TRPM3: variants seen among roughly 807,000 people sequenced by gnomAD.
TRPM3 encodes the protein long transient receptor potential channel 3.
In TRPM3, 77 loss-of-function variants were observed where a neutral mutation model predicts 181.2. The observed-to-expected ratio is 0.42, with a 90% CI of 0.35 to 0.51. The LOEUF is 0.51. Ranked by LOEUF, TRPM3 falls within the 20% of genes least tolerant of loss-of-function variation. TRPM3 has a pLI of 0.01. For missense variants in TRPM3, 1,759 were observed against 2,196.7 expected (o/e 0.80, Z 3.98); for synonymous variants, 745 against 796.4 (o/e 0.94, Z 1.09).
intron 1 of TRPM3, among the ~76,000 whole-genome samples, chr9:70,873,323 C>T (rs2095820706): frequency 6.6e-6 from 1 of 151,952 alleles, no homozygotes; most frequent in African/African-American, 2.4e-5. Flanking sequence ...AGAACACTGC[C>T]ATCAGTGTGT....
At chr9:70,803,625 T>C (rs2131277674) in intron 6 of TRPM3, among the ~76,000 whole-genome samples, 1 of 152,028 alleles carries the variant, frequency 6.6e-6, no homozygotes, top group East Asian at 2.0e-4. Flanking sequence ...ATTTTTTTTG[T>C]ATTTTTAGCA....
At chr9:71,338,525 G>A (rs2090732674) in intron 1 of TRPM3, among the ~76,000 whole-genome samples, 2 of 152,094 alleles carry the variant, frequency 1.3e-5, no homozygotes, top group African/African-American at 4.8e-5. Context: ...AAACGGAAAA[G>A]AACCTATGAT....
chr9:71,350,769 G>A (rs983448771), intron 1 of TRPM3, among the ~76,000 whole-genome samples: 117 of 152,178 alleles, frequency 7.7e-4, no homozygotes, highest in African/African-American at 2.8e-3. Flanking sequence ...CAAGTCATTT[G>A]CCAAGCTTTA....
intron 8 of TRPM3, among the ~76,000 whole-genome samples, chr9:70,751,017 G>A (rs1343794984): frequency 6.6e-6 from 1 of 151,656 alleles, no homozygotes; most frequent in African/African-American, 2.4e-5. Context: ...ATACCTAAAT[G>A]AGACTTAGCA....
At chr9:71,110,367 C>A (rs2134197756) in intron 1 of TRPM3, among the ~76,000 whole-genome samples, 1 of 152,258 alleles carries the variant, frequency 6.6e-6, no homozygotes. Context: ...TTAGAATATT[C>A]TATGACATTC....
intron 25 of TRPM3, among the ~76,000 whole-genome samples, chr9:70,545,854 T>G (rs2044738307): frequency 6.6e-6 from 1 of 152,156 alleles, no homozygotes; most frequent in Non-Finnish European, 1.5e-5. Flanking sequence ...GGCCTTAATA[T>G]TCAGAGAGAA....
chr9:70,610,699 C>G lies in TRPM3; in HGVS notation c.2577G>C (p.Glu859Asp), dbSNP rs2061876069. Residue 859 changes from glutamate to aspartate, a missense_variant, in exon 19 of 26, where the codon GAG becomes GAC. Physicochemically the swap from Glu to Asp is conservative, Grantham distance 45 (BLOSUM62 2). Around this residue, in one of 8 missense-constraint regions of TRPM3, gnomAD observed 114 missense variants for 134.8 expected, o/e 0.85. Coordinates refer to ENST00000677713, the MANE Select transcript of TRPM3 (RefSeq NM_001366145.2). ...TTAACCGGTGCTTGCTCTGAACTTC[C>G]TCTTCATCCTTCTTCCTGGAGGACT... is the stretch of plus-strand genomic sequence containing the variant. The part of the protein sequence containing the change: ...NGESSRKKDE[E>D]EVQSKHRLIP... The G allele has an allele frequency of 1.2e-6, 2 of 1,614,182 alleles. No homozygotes were observed. The highest frequency in any genetic ancestry group is 1.7e-6 in the Non-Finnish European group (2 of 1,180,020).
intron 1 of TRPM3, among the ~76,000 whole-genome samples, chr9:70,955,682 T>C (rs1378936884): frequency 6.6e-6 from 1 of 152,190 alleles, no homozygotes; most frequent in Non-Finnish European, 1.5e-5. Flanking sequence ...AGTATTACAT[T>C]AGCTCTCCAA....
intron 1 of TRPM3, among the ~76,000 whole-genome samples, chr9:71,261,194 G>A (rs897266264): frequency 4.6e-5 from 7 of 152,160 alleles, no homozygotes; most frequent in African/African-American, 1.7e-4. Context: ...TGGAGGCTTT[G>A]TTCATTCCTT....
chr9:70,892,340 C>G (rs79040979), intron 1 of TRPM3, among the ~76,000 whole-genome samples: 3,003 of 152,046 alleles, frequency 0.02, 53 homozygotes, highest in Middle Eastern at 0.048. Flanking sequence ...TCTGTAAATT[C>G]GTAGAAATAC....
chr9:71,027,191 C>G (rs937204880), intron 1 of TRPM3, among the ~76,000 whole-genome samples: 1 of 152,170 alleles, frequency 6.6e-6, no homozygotes, highest in African/African-American at 2.4e-5. Context: ...AGCATACTGT[C>G]TAGGAGCCCT....
At chr9:71,435,556 G>A (rs1482891686) in intron 1 of TRPM3, among the ~76,000 whole-genome samples, 3 of 152,174 alleles carry the variant, frequency 2.0e-5, no homozygotes, top group Non-Finnish European at 4.4e-5. Flanking sequence ...TTGTCTACCA[G>A]CAGAACCTCA....
At chr9:71,414,044 C>A (rs1301925106) in intron 1 of TRPM3, among the ~76,000 whole-genome samples, 3 of 152,032 alleles carry the variant, frequency 2.0e-5, no homozygotes, top group Admixed American at 6.6e-5. Flanking sequence ...AAACCATAAC[C>A]TTTTAACTGC....
At chr9:70,979,772 G>A (rs2097344590) in intron 1 of TRPM3, among the ~76,000 whole-genome samples, 1 of 152,128 alleles carries the variant, frequency 6.6e-6, no homozygotes, top group Non-Finnish European at 1.5e-5. Flanking sequence ...TCTGGAGGCT[G>A]AAAAGTCCAA....
rs192358597 is a variant in TRPM3 at position 71,104,867 on chromosome 9, C to T, written c.177+16311G>A. Among the ~76,000 whole-genome samples, 31 of 152,154 alleles carry T rather than the reference C, an allele frequency of 2.0e-4. 1 individual carries two copies. The South Asian group carries it at 2.3e-3, about 11-fold the overall frequency. On this transcript the variant is annotated intron_variant, in intron 1 of 25. Coordinates refer to ENST00000677713, the MANE Select transcript of TRPM3 (RefSeq NM_001366145.2). ...TGGTGAGAATGTGTGACAACTGAAA[C>T]GCTTATATTGTATGTTAAAGGGAGT... is the stretch of plus-strand genomic sequence containing the variant.
intron 5 of TRPM3, among the ~76,000 whole-genome samples, chr9:70,835,831 A>T (rs979207649): frequency 2.0e-5 from 3 of 152,194 alleles, no homozygotes; most frequent in Non-Finnish European, 2.9e-5. Context: ...TGGTCTCTAT[A>T]CTGCAAAGGA....
intron 8 of TRPM3, among the ~76,000 whole-genome samples, chr9:70,750,029 C>T (rs1442168265): frequency 3.3e-5 from 5 of 152,164 alleles, no homozygotes; most frequent in Non-Finnish European, 5.9e-5. Context: ...AGGTTACGCA[C>T]ATCATAAATA....
At chr9:70,856,987 T>G (rs1261524799) in intron 3 of TRPM3, among the ~76,000 whole-genome samples, 3 of 152,170 alleles carry the variant, frequency 2.0e-5, no homozygotes, top group Non-Finnish European at 4.4e-5. Flanking sequence ...GAGCCCCAGA[T>G]GTAGAAGAGT....
At chr9:71,099,915 A>G (rs765488185) in intron 1 of TRPM3, among the ~76,000 whole-genome samples, 3 of 152,052 alleles carry the variant, frequency 2.0e-5, no homozygotes, top group Non-Finnish European at 2.9e-5. Context: ...GTGTAACCCC[A>G]ATGACTATGA....
Sources: allele counts gnomAD v4.1 joint callset (sites outside exome capture counted in the v4.1 genomes callset), GRCh38; gene constraint gnomAD v4.1.1; regional missense constraint gnomAD v4.1.1; transcripts MANE v1.5; gene names NCBI Gene and HGNC (gene_info 2026-07-23, HGNC 2026-07-21).